The following MAN1A1 variants were observed in gnomAD, a reference collection of about 807,000 sequenced individuals.
MAN1A1 encodes mannosyl-oligosaccharide 1,2-alpha-mannosidase IA.
Under a neutral mutation model 70.8 loss-of-function variants are expected in MAN1A1, and 29 were observed. The observed-to-expected ratio is 0.41, with a 90% confidence interval of 0.31 to 0.56. MAN1A1 has a LOEUF of 0.56. Ranked by LOEUF, MAN1A1 falls within the 20% of genes least tolerant of loss-of-function variation. MAN1A1 has a pLI of 0.29. For missense variants in MAN1A1, 747 were observed against 841.3 expected (o/e 0.89, Z 1.39); for synonymous variants, 349 against 330.1 (o/e 1.06, Z -0.62).
At position 119,179,584 on chromosome 6, in the gene MAN1A1, A is replaced by T; in HGVS notation, c.*235T>A. The T allele has an allele frequency of 3.4e-6, 1 of 293,678 alleles. No homozygotes were observed. Among genetic ancestry groups the T allele is most frequent in the Non-Finnish European group, 6.6e-6 (1 of 152,666 alleles). 18.2% of individuals were successfully genotyped at this position (293,678 alleles called of 1,614,324 possible). On this transcript the variant is annotated 3_prime_UTR_variant, in exon 13 of 13. Transcript: ENST00000368468. ...TCATGAAATCCAGAGATAATAGGTT[A>T]CTTAAAAACATAAACAAAAAACTGG...
intron 4 of MAN1A1, among the ~76,000 whole-genome samples, chr6:119,290,978 C>G (rs1394271801): frequency 1.3e-5 from 2 of 151,752 alleles, no homozygotes; most frequent in Non-Finnish European, 2.9e-5. Flanking sequence ...CCCCAAAATA[C>G]GTACAATCAT....
chr6:119,329,030 A>T (rs1158354165), intron 2 of MAN1A1, among the ~76,000 whole-genome samples: 1 of 152,220 alleles, frequency 6.6e-6, no homozygotes, highest in Non-Finnish European at 1.5e-5. Context: ...TGCAGCAGAG[A>T]TGCCAGAAAA....
intron 6 of MAN1A1, among the ~76,000 whole-genome samples, chr6:119,210,163 C>A (rs1028327): frequency 6.6e-6 from 1 of 151,866 alleles, no homozygotes; most frequent in East Asian, 1.9e-4. Flanking sequence ...ACAAAGATGG[C>A]GAGAGGCACT....
At chr6:119,187,493 C>T (rs1004958044) in intron 11 of MAN1A1, among the ~76,000 whole-genome samples, 1 of 152,160 alleles carries the variant, frequency 6.6e-6, no homozygotes, top group African/African-American at 2.4e-5. Flanking sequence ...TGATAAGACA[C>T]ATATTAAATG....
At chr6:119,261,748 T>A (rs1162727002) in intron 5 of MAN1A1, among the ~76,000 whole-genome samples, 1 of 152,212 alleles carries the variant, frequency 6.6e-6, no homozygotes, top group Non-Finnish European at 1.5e-5. Context: ...CAGTTTTAGA[T>A]AAAACTGACT....
chr6:119,208,692 T>A (rs920165400), intron 6 of MAN1A1, among the ~76,000 whole-genome samples: 2 of 152,200 alleles, frequency 1.3e-5, no homozygotes, highest in Non-Finnish European at 2.9e-5. Flanking sequence ...CTGAATCCTA[T>A]GGGAGAGATG....
At chr6:119,215,202 G>GA (rs147930368) in intron 6 of MAN1A1, among the ~76,000 whole-genome samples, 76 of 142,862 alleles carry the variant, frequency 5.3e-4, no homozygotes, top group African/African-American at 1.0e-3. Flanking sequence ...AGTATAAAAA[G>GA]AAAAAAAAAA....
At chr6:119,183,254 T>C (rs1308977330) in intron 11 of MAN1A1, among the ~76,000 whole-genome samples, 2 of 152,238 alleles carry the variant, frequency 1.3e-5, no homozygotes, top group African/African-American at 4.8e-5. Context: ...AAATGCCTCA[T>C]GATTTCATAC....
chr6:119,207,787 G>A (rs1773917276), intron 6 of MAN1A1, among the ~76,000 whole-genome samples: 1 of 152,188 alleles, frequency 6.6e-6, no homozygotes, highest in South Asian at 2.1e-4. Context: ...GGGAAATGAG[G>A]CCAGAGTAAG....
chr6:119,273,286 C>A (rs189744219), intron 5 of MAN1A1, among the ~76,000 whole-genome samples: 1 of 152,052 alleles, frequency 6.6e-6, no homozygotes, highest in South Asian at 2.1e-4. Context: ...ACATACCAAC[C>A]GGAAGCAAAT....
At chr6:119,316,321 G>A (rs896737703) in intron 2 of MAN1A1, among the ~76,000 whole-genome samples, 2 of 151,870 alleles carry the variant, frequency 1.3e-5, no homozygotes, top group Admixed American at 6.6e-5. Flanking sequence ...GGAATTACAG[G>A]TGCCTGGCTA....
At chr6:119,263,222 T>A (rs1001027863) in intron 5 of MAN1A1, among the ~76,000 whole-genome samples, 3 of 151,958 alleles carry the variant, frequency 2.0e-5, no homozygotes, top group Admixed American at 1.3e-4. Context: ...ATACTTATAG[T>A]TTATTAAATA....
chr6:119,185,978 C>A (rs1773281033), intron 11 of MAN1A1, among the ~76,000 whole-genome samples: 1 of 151,494 alleles, frequency 6.6e-6, no homozygotes, highest in African/African-American at 2.4e-5. Flanking sequence ...AGCTGGAAAC[C>A]AGGTCAGGAG....
At chr6:119,341,118 A>C (rs1439913089) in intron 2 of MAN1A1, among the ~76,000 whole-genome samples, 1 of 152,170 alleles carries the variant, frequency 6.6e-6, no homozygotes, top group African/African-American at 2.4e-5. Context: ...GAGGGCTGTG[A>C]CTTTTAAATG....
intron 6 of MAN1A1, among the ~76,000 whole-genome samples, chr6:119,237,931 C>T (rs1260720412): frequency 6.6e-6 from 1 of 152,086 alleles, no homozygotes; most frequent in African/African-American, 2.4e-5. Context: ...TAAATACACA[C>T]AGTTAGATGG....
chr6:119,203,295 A>G (rs1348169327), intron 7 of MAN1A1, among the ~76,000 whole-genome samples: 1 of 152,168 alleles, frequency 6.6e-6, no homozygotes, highest in Non-Finnish European at 1.5e-5. Flanking sequence ...GCAGAATATT[A>G]AAGAAGTGAG....
rs1773512285 is a variant in MAN1A1, at chr6:119,338,242, G to A, written c.603+10221C>T. On this transcript the variant is annotated intron_variant, in intron 2 of 12. Coordinates refer to ENST00000368468, the MANE Select transcript of MAN1A1 (RefSeq NM_005907.4). ...GTTCTGGCGCTTGGCAGACTTTTAT[G>A]AACCAAGGTCAGAATATAAATACAT... is the stretch of plus-strand genomic sequence containing the variant. 3.9e-5 allele frequency among the ~76,000 whole-genome samples: 6 copies of A among 151,986 alleles called. No homozygotes were observed. The South Asian group carries it at 1.2e-3, about 32-fold the overall frequency.
chr6:119,271,730 C>G (rs929217880), intron 5 of MAN1A1, among the ~76,000 whole-genome samples: 3 of 152,108 alleles, frequency 2.0e-5, no homozygotes, highest in African/African-American at 7.2e-5. Flanking sequence ...TTTCCAACTC[C>G]TGACCTCAGG....
At chr6:119,343,713 G>A (rs928644426) in intron 2 of MAN1A1, among the ~76,000 whole-genome samples, 1 of 152,112 alleles carries the variant, frequency 6.6e-6, no homozygotes, top group East Asian at 1.9e-4. Flanking sequence ...TCTACTTGGC[G>A]GGGAGGTTGT....
Sources: gnomAD v4.1 joint callset for allele counts (sites outside exome capture counted in the v4.1 genomes callset) on GRCh38, gnomAD v4.1.1 for gene constraint, MANE v1.5 for transcripts, NCBI Gene and HGNC (gene_info 2026-07-23, HGNC 2026-07-21) for gene names.